Variants in DCC observed in about 807,000 individuals in gnomAD.
The protein encoded by DCC is DCC netrin 1 receptor.
In DCC, 58 loss-of-function variants were observed where a neutral mutation model predicts 172.5. The observed-to-expected ratio is 0.34, with a 90% CI of 0.27 to 0.42. DCC has a LOEUF of 0.42. Ranked by LOEUF, DCC falls within the 10% of genes least tolerant of loss-of-function variation. The pLI is 1.00. For missense variants in DCC, 1,740 were observed against 1,791.0 expected, an observed-to-expected ratio of 0.97 and a Z score of 0.51; for synonymous variants, 709 against 644.5, an observed-to-expected ratio of 1.10 and a Z score of -1.52.
At chr18:53,040,311 G>T (rs866541495) in intron 5 of DCC, among the ~76,000 whole-genome samples, 1 of 151,940 alleles carries the variant, frequency 6.6e-6, no homozygotes, top group South Asian at 2.1e-4. Flanking sequence ...TAATCAAAAT[G>T]CCAAGTAATT....
intron 2 of DCC, among the ~76,000 whole-genome samples, chr18:52,901,817 C>T (rs890540935): frequency 6.6e-6 from 1 of 152,130 alleles, no homozygotes; most frequent in African/African-American, 2.4e-5. Context: ...TTTTTTCTTT[C>T]AGTAAATATT....
chr18:52,633,985 G>C (rs2034726355), intron 1 of DCC, among the ~76,000 whole-genome samples: 2 of 152,238 alleles, frequency 1.3e-5, no homozygotes, highest in African/African-American at 2.4e-5. Context: ...GCTCATGGCA[G>C]GTGGATGGCG....
chr18:53,086,751 C>T (rs1198772582), intron 7 of DCC, among the ~76,000 whole-genome samples: 1 of 63,660 alleles, frequency 1.6e-5, no homozygotes, highest in African/African-American at 6.3e-5. Context: ...TCCCTCCCCC[C>T]TCCCCCCACC....
chr18:52,765,199 A>ATTTTTTT lies in DCC; in HGVS notation c.412+12825_412+12826insTTTTTTT, dbSNP rs369735420. ...CAGGCATGTGCTAGCACTCCTGGCT[A>ATTTTTTT]ATTTTTTTTTTTTTTTTTTGTATTT... On this transcript the variant is annotated intron_variant, in intron 2 of 28. Coordinates refer to ENST00000442544, the MANE Select transcript of DCC (RefSeq NM_005215.4). Among the ~76,000 whole-genome samples the ATTTTTTT allele has an allele frequency of 1.2e-4, 14 of 120,106 alleles. 2 individuals carry two copies. The highest frequency in any genetic ancestry group is 1.7e-4 in the Admixed American group (2 of 11,512). The allele number at this position is 120,106 out of a possible 152,430, so 78.8% of individuals were successfully genotyped here. A position where few individuals can be genotyped will look rare whatever the true frequency, so the allele number is the denominator to read the frequency against.
chr18:53,078,169 C>T (rs1476917790), intron 7 of DCC, among the ~76,000 whole-genome samples: 3 of 152,108 alleles, frequency 2.0e-5, no homozygotes, highest in Non-Finnish European at 2.9e-5. Context: ...TATGCACTTG[C>T]AGTCCCAGCT....
intron 5 of DCC, among the ~76,000 whole-genome samples, chr18:53,054,819 C>T (rs2042381187): frequency 6.6e-6 from 1 of 152,100 alleles, no homozygotes; most frequent in Admixed American, 6.6e-5. Context: ...GCAAATTGTG[C>T]TCACGAGAAG....
At chr18:52,808,238 G>A (rs1396228158) in intron 2 of DCC, among the ~76,000 whole-genome samples, 1 of 152,140 alleles carries the variant, frequency 6.6e-6, no homozygotes, top group Admixed American at 6.6e-5. Flanking sequence ...TCTTGTTCTG[G>A]ATTTTTGAAT....
chr18:53,520,050 G>A (rs1186025352), intron 27 of DCC, among the ~76,000 whole-genome samples: 3 of 152,048 alleles, frequency 2.0e-5, no homozygotes, highest in African/African-American at 7.2e-5. Context: ...GAATGGGTGA[G>A]GCCAGGGATG....
intron 2 of DCC, among the ~76,000 whole-genome samples, chr18:52,781,126 A>C (rs2145185246): frequency 6.6e-6 from 1 of 152,324 alleles, no homozygotes; most frequent in East Asian, 1.9e-4. Flanking sequence ...ACAACTGGAC[A>C]AAAGGATCTG....
chr18:53,111,265 G>A (rs2043326891), intron 7 of DCC, among the ~76,000 whole-genome samples: 1 of 94,980 alleles, frequency 1.1e-5, no homozygotes, highest in Admixed American at 1.4e-4. Flanking sequence ...GGGGGGAGGG[G>A]GGAGGGATAG....
intron 2 of DCC, 92 bp downstream of exon 2, chr18:52,752,466 T>A: frequency 2.1e-6 from 2 of 974,278 alleles, no homozygotes; most frequent in South Asian, 1.4e-5. Flanking sequence ...GTAGAAATAA[T>A]GTACATTTTA....
At chr18:53,200,321 C>T (rs1347884204) in intron 9 of DCC, among the ~76,000 whole-genome samples, 6 of 152,182 alleles carry the variant, frequency 3.9e-5, no homozygotes, top group Admixed American at 3.9e-4. Flanking sequence ...ACACTCTTTT[C>T]TGATCCCTTT....
chr18:53,457,766 TA>T (rs2045501469), intron 23 of DCC, among the ~76,000 whole-genome samples: 2 of 152,204 alleles, frequency 1.3e-5, no homozygotes, highest in South Asian at 2.1e-4. Context: ...ACCATTGTTT[TA>T]AAACATTGTG....
intron 1 of DCC, among the ~76,000 whole-genome samples, chr18:52,528,160 T>TAC (rs1315520756): frequency 6.6e-6 from 1 of 152,204 alleles, no homozygotes; most frequent in Non-Finnish European, 1.5e-5. Flanking sequence ...TAGGTTGACC[T>TAC]CTTGCAAAAC....
intron 1 of DCC, among the ~76,000 whole-genome samples, chr18:52,652,140 A>G (rs1476332189): frequency 6.6e-6 from 1 of 152,142 alleles, no homozygotes; most frequent in Non-Finnish European, 1.5e-5. Flanking sequence ...TACCTAATCC[A>G]TCAGTCAATG....
intron 8 of DCC, among the ~76,000 whole-genome samples, chr18:53,173,221 C>T (rs2055039701): frequency 6.6e-6 from 1 of 152,066 alleles, no homozygotes; most frequent in South Asian, 2.1e-4. Context: ...CTTAGCCTTA[C>T]CTACTTTAGA....
intron 1 of DCC, among the ~76,000 whole-genome samples, chr18:52,400,661 A>T (rs1986400568): frequency 6.6e-6 from 1 of 152,122 alleles, no homozygotes; most frequent in African/African-American, 2.4e-5. Flanking sequence ...TTATTGCAGC[A>T]CTGTTCACAA....
intron 5 of DCC, among the ~76,000 whole-genome samples, chr18:53,055,308 G>C (rs1223652322): frequency 6.6e-6 from 1 of 152,062 alleles, no homozygotes; most frequent in Non-Finnish European, 1.5e-5. Context: ...TTTCATTTGA[G>C]AAAACATGTA....
At chr18:53,516,484 A>G (rs1382596863) in intron 27 of DCC, among the ~76,000 whole-genome samples, 1 of 148,152 alleles carries the variant, frequency 6.7e-6, no homozygotes, top group Admixed American at 6.6e-5. Flanking sequence ...TCTGCACAGC[A>G]AAAGAAACTA....
Sources: allele counts gnomAD v4.1 joint callset (sites outside exome capture counted in the v4.1 genomes callset), GRCh38; gene constraint gnomAD v4.1.1; transcripts MANE v1.5; gene names NCBI Gene and HGNC (gene_info 2026-07-23, HGNC 2026-07-21).